ADARB2: variants seen among roughly 807,000 people sequenced by gnomAD.
The protein encoded by ADARB2 is adenosine deaminase RNA specific B2 (inactive).
In ADARB2, 25 loss-of-function variants were observed where a neutral mutation model predicts 62.2. That is an observed-to-expected ratio of 0.40 (90% CI 0.29 to 0.56). The LOEUF (loss-of-function observed/expected upper bound fraction) is 0.56. Among genes scored for constraint, ADARB2 ranks in the 20% least tolerant of loss-of-function variants. The pLI is 0.43. For missense variants in ADARB2, 1,071 were observed against 1,077.4 expected, an observed-to-expected ratio of 0.99 and a Z score of 0.08; for synonymous variants, 572 against 500.8, an observed-to-expected ratio of 1.14 and a Z score of -1.90.
chr10:1,461,959 A>G (rs1264528216), intron 1 of ADARB2, among the ~76,000 whole-genome samples: 1 of 152,192 alleles, frequency 6.6e-6, no homozygotes, highest in African/African-American at 2.4e-5. Context: ...CTGAGATCAC[A>G]CCACTGCACT....
intron 1 of ADARB2, among the ~76,000 whole-genome samples, chr10:1,710,407 T>A (rs1423245241): frequency 6.6e-6 from 1 of 152,238 alleles, no homozygotes. Context: ...ATATAATGGA[T>A]AAGCAAAAGC....
In ADARB2 at chr10:1,472,337, G is replaced by A. The variant is rs549411137; in HGVS notation, c.101-93177C>T. 6.3e-4 allele frequency among the ~76,000 whole-genome samples: 96 copies of A among 152,254 alleles called. 1 individual carries two copies. The highest frequency in any genetic ancestry group is 4.6e-3 in the South Asian group (22 of 4,822). ...AGACCAAGGGCCATGCGGCTCAGGG[G>A]TCAGCCAGGTGTGACGAGCTCTGTG... On this transcript the variant is annotated intron_variant, in intron 1 of 9. Transcript: ENST00000381312.
intron 1 of ADARB2, among the ~76,000 whole-genome samples, chr10:1,437,282 ATAGC>A (rs1382288505): frequency 1.3e-4 from 20 of 152,172 alleles, no homozygotes; most frequent in African/African-American, 4.3e-4. Flanking sequence ...ATATATATAT[ATAGC>A]TAACTTTCCA....
At chr10:1,493,282 G>C (rs1481807878) in intron 1 of ADARB2, among the ~76,000 whole-genome samples, 3 of 152,204 alleles carry the variant, frequency 2.0e-5, no homozygotes, top group Admixed American at 1.3e-4. Context: ...GGTGGTGCAG[G>C]TTACAGAAAA....
rs558687756 is a variant in ADARB2, at chr10:1,506,897, C to T, written c.101-127737G>A. Among the ~76,000 whole-genome samples, 7 of 152,186 alleles carry T rather than the reference C, an allele frequency of 4.6e-5. No homozygotes were observed. The East Asian group carries it at 5.8e-4, about 13-fold the overall frequency. On this transcript the variant is annotated intron_variant, in intron 1 of 9. Coordinates refer to ENST00000381312, the MANE Select transcript of ADARB2 (RefSeq NM_018702.4). ...TGAGGGCCCTGGTTTCGTCCCTCTC[C>T]GATCCCTGCCGTGTGAGGACGCAGT...
chr10:1,383,493 G>C (rs953846557), intron 1 of ADARB2, among the ~76,000 whole-genome samples: 5 of 151,972 alleles, frequency 3.3e-5, no homozygotes, highest in African/African-American at 1.2e-4. Context: ...TATGCCAGCA[G>C]TTTTTCATGC....
At chr10:1,720,974 C>T (rs926536859) in intron 1 of ADARB2, among the ~76,000 whole-genome samples, 3 of 152,202 alleles carry the variant, frequency 2.0e-5, no homozygotes, top group Non-Finnish European at 2.9e-5. Context: ...TGTGCATCTT[C>T]CCACTGCTCG....
chr10:1,444,644 C>G (rs957238476), intron 1 of ADARB2, among the ~76,000 whole-genome samples: 1 of 151,378 alleles, frequency 6.6e-6, no homozygotes, highest in Non-Finnish European at 1.5e-5. Flanking sequence ...GTCTATCCAT[C>G]CACCCACCCA....
At chr10:1,563,400 C>A (rs1328486036) in intron 1 of ADARB2, among the ~76,000 whole-genome samples, 1 of 152,162 alleles carries the variant, frequency 6.6e-6, no homozygotes, top group Non-Finnish European at 1.5e-5. Context: ...GCGTCCCCCT[C>A]ATATGACCTC....
intron 1 of ADARB2, among the ~76,000 whole-genome samples, chr10:1,671,241 G>C (rs1209977664): frequency 6.6e-6 from 1 of 152,084 alleles, no homozygotes; most frequent in Non-Finnish European, 1.5e-5. Flanking sequence ...ACCCGCCTTG[G>C]GCCCCCAGAG....
chr10:1,296,969 C>G (rs1196319369), intron 3 of ADARB2, among the ~76,000 whole-genome samples: 1 of 152,224 alleles, frequency 6.6e-6, no homozygotes, highest in Admixed American at 6.5e-5. Flanking sequence ...TCCCATCTCT[C>G]CAGTATTTTA....
Position 1,233,780 on chromosome 10 carries a change from C to A in ADARB2, c.1427G>T (p.Arg476Leu), listed in dbSNP as rs757814695. The A allele has an allele frequency of 3.1e-6, 5 of 1,613,832 alleles. No individual in the cohort carries two copies. Among genetic ancestry groups the A allele is most frequent in the Non-Finnish European group, 3.4e-6 (4 of 1,179,986 alleles). Residue 476 changes from arginine (R) to leucine (L), a missense_variant, in exon 6 of 10, where the codon CGA becomes CTA. Coordinates refer to ENST00000381312, the MANE Select transcript of ADARB2 (RefSeq NM_018702.4). ...VRLKEGGYRL[R>L]ENILFHLYVS... ...GTAGAGATGGAAGAGGATGTTCTCTCGCAGCCGGTAGCCACCTTCTTTTAA... is the reference window on the plus strand; with the variant it reads ...GTAGAGATGGAAGAGGATGTTCTCTAGCAGCCGGTAGCCACCTTCTTTTAA...
At chr10:1,375,936 A>T (rs1308246638) in intron 2 of ADARB2, among the ~76,000 whole-genome samples, 1 of 141,088 alleles carries the variant, frequency 7.1e-6, no homozygotes, top group East Asian at 2.1e-4. Context: ...ACACACGTGC[A>T]CAGACACACA....
chr10:1,403,292 C>T lies in ADARB2; in HGVS notation c.101-24132G>A, dbSNP rs554921516. Among the ~76,000 whole-genome samples the T allele has an allele frequency of 5.3e-5, 8 of 152,318 alleles. No individual in the cohort carries two copies. The East Asian group carries it at 9.6e-4, about 18-fold the overall frequency. The stretch of plus-strand genomic sequence containing the variant: ...AACCCTTGTGACCAAATATCTCAAG[C>T]GTCTTCTCTGGGCTTGGAGTCCCCC... On this transcript the variant is annotated intron_variant, in intron 1 of 9. Coordinates refer to ENST00000381312, the MANE Select transcript of ADARB2 (RefSeq NM_018702.4).
At chr10:1,289,105 C>T (rs1309848365) in intron 3 of ADARB2, among the ~76,000 whole-genome samples, 1 of 152,198 alleles carries the variant, frequency 6.6e-6, no homozygotes, top group African/African-American at 2.4e-5. Context: ...AAGCCTGCTA[C>T]CCAGAGATCT....
intron 2 of ADARB2, among the ~76,000 whole-genome samples, chr10:1,365,696 G>A (rs539591149): frequency 6.6e-6 from 1 of 152,324 alleles, no homozygotes; most frequent in South Asian, 2.1e-4. Context: ...CCTTTGGAAA[G>A]CATTTTGGGA....
chr10:1,649,767 C>G (rs961318306), intron 1 of ADARB2, among the ~76,000 whole-genome samples: 6 of 152,204 alleles, frequency 3.9e-5, no homozygotes, highest in Admixed American at 3.3e-4. Flanking sequence ...GAGCTGCTGA[C>G]TTTCTGGGTT....
intron 1 of ADARB2, among the ~76,000 whole-genome samples, chr10:1,396,125 T>A (rs1471559470): frequency 1.3e-5 from 2 of 152,192 alleles, no homozygotes; most frequent in Non-Finnish European, 2.9e-5. Context: ...AGAGAGCAGG[T>A]CAAAGAGTTA....
At chr10:1,199,929 G>A (rs1836961090) in intron 8 of ADARB2, 37 bp downstream of exon 8, 4 of 1,475,374 alleles carry the variant, frequency 2.7e-6, no homozygotes, top group Non-Finnish European at 3.6e-6. Flanking sequence ...CTGGTGGTGG[G>A]AAGGAGGTGG....
Sources: allele counts gnomAD v4.1 joint callset (sites outside exome capture counted in the v4.1 genomes callset), GRCh38; gene constraint gnomAD v4.1.1; transcripts MANE v1.5; gene names NCBI Gene and HGNC (gene_info 2026-07-23, HGNC 2026-07-21).